The following GALNT10 variants were observed in gnomAD, a reference collection of about 807,000 sequenced individuals.
GALNT10 encodes the protein GalNAc transferase 10.
A neutral mutation model predicts 75.0 loss-of-function variants in GALNT10; 41 were observed. The observed-to-expected ratio is 0.55, with a 90% confidence interval of 0.43 to 0.71. GALNT10 has a LOEUF of 0.71. Ranked by LOEUF, GALNT10 falls within the 30% of genes least tolerant of loss-of-function variation. GALNT10 has a pLI of 0.00. For synonymous variants in GALNT10, 302 were observed against 313.0 expected (o/e 0.96, Z 0.37); for missense variants, 727 against 818.5 (o/e 0.89, Z 1.36).
rs115190579 is a variant in GALNT10 at position 154,200,417 on chromosome 5, G to C, written c.159+9392G>C. Among the ~76,000 whole-genome samples, 173 of 152,314 alleles carry C rather than the reference G, an allele frequency of 1.1e-3. 3 individuals carry two copies. Among genetic ancestry groups the C allele is most frequent in the Non-Finnish European group, 1.5e-3 (105 of 68,028 alleles). ...CTCCTGGAGGGAAGGGGGTTTCTTC[G>C]AGGGAACAGGTTGGAAACATCTGGC... is the stretch of plus-strand genomic sequence containing the variant. On this transcript the variant is annotated intron_variant, in intron 1 of 11. Coordinates refer to ENST00000297107, the MANE Select transcript of GALNT10 (RefSeq NM_198321.4).
intron 4 of GALNT10, among the ~76,000 whole-genome samples, chr5:154,365,184 A>G (rs549559191): frequency 8.9e-4 from 135 of 152,272 alleles, no homozygotes; most frequent in African/African-American, 3.2e-3. Flanking sequence ...TATTTCTGGG[A>G]GCTGGCTGGT....
chr5:154,404,329 C>A, intron 8 of GALNT10, 118 bp downstream of exon 8: 1 of 594,866 alleles, frequency 1.7e-6, no homozygotes, highest in East Asian at 3.0e-5. Flanking sequence ...GGATGTGCCT[C>A]CCATTCTCCA....
At chr5:154,288,026 T>C (rs1383300446) in intron 1 of GALNT10, among the ~76,000 whole-genome samples, 2 of 151,704 alleles carry the variant, frequency 1.3e-5, no homozygotes, top group Non-Finnish European at 2.9e-5. Flanking sequence ...AATGATATAG[T>C]TATTTAAACC....
At chr5:154,201,022 G>A (rs1561626466) in intron 1 of GALNT10, among the ~76,000 whole-genome samples, 1 of 151,914 alleles carries the variant, frequency 6.6e-6, no homozygotes, top group Non-Finnish European at 1.5e-5. Context: ...AAGTTCAGCT[G>A]CTGAGTTCAG....
intron 1 of GALNT10, among the ~76,000 whole-genome samples, chr5:154,212,925 G>A (rs376312247): frequency 6.7e-5 from 10 of 149,300 alleles, no homozygotes; most frequent in Non-Finnish European, 1.3e-4. Context: ...CGGAGATCGC[G>A]CCACTGCTCT....
chr5:154,321,468 C>T (rs925123545), intron 3 of GALNT10, among the ~76,000 whole-genome samples: 4 of 152,042 alleles, frequency 2.6e-5, no homozygotes, highest in African/African-American at 4.8e-5. Flanking sequence ...CCACTACACC[C>T]GGCTAATTGT....
chr5:154,257,503 G>C lies in GALNT10; in HGVS notation c.160-37313G>C, dbSNP rs187530992. On this transcript the variant is annotated intron_variant, in intron 1 of 11. Coordinates refer to ENST00000297107, the MANE Select transcript of GALNT10 (RefSeq NM_198321.4). ...GTCTCAAAGTGGCCTAAGTGGAAAA[G>C]GGAATTTATTGGCTTCTGTAACTGA... 2.1e-3 allele frequency among the ~76,000 whole-genome samples: 324 copies of C among 152,188 alleles called. 2 individuals are homozygous for C. The South Asian group carries it at 0.029, about 14-fold the overall frequency.
In GALNT10 at chr5:154,393,404, T is replaced by C. The variant is rs187002539; in HGVS notation, c.1056+6974T>C. Among the ~76,000 whole-genome samples the C allele has an allele frequency of 1.3e-3, 194 of 152,302 alleles. 1 individual carries two copies. Among genetic ancestry groups the C allele is most frequent in the African/African-American group, 4.3e-3 (179 of 41,564 alleles). On this transcript the variant is annotated intron_variant, in intron 7 of 11. Coordinates refer to ENST00000297107, the MANE Select transcript of GALNT10 (RefSeq NM_198321.4). ...CACTTCTGAAAATGACTCAGTGCCA[T>C]GAACCCTTCATCCCTAGTGGCCTTT...
intron 1 of GALNT10, among the ~76,000 whole-genome samples, chr5:154,283,143 G>A (rs976136661): frequency 3.3e-5 from 5 of 151,966 alleles, no homozygotes; most frequent in East Asian, 1.9e-4. Flanking sequence ...CTAAGAAATC[G>A]TTATATAAGA....
intron 3 of GALNT10, among the ~76,000 whole-genome samples, chr5:154,305,564 A>G (rs1171627090): frequency 1.3e-5 from 2 of 152,258 alleles, no homozygotes; most frequent in African/African-American, 4.8e-5. Context: ...CAGAGGCAAT[A>G]TTAATATCAG....
At chr5:154,379,999 T>TG (rs1755709992) in intron 5 of GALNT10, among the ~76,000 whole-genome samples, 1 of 152,200 alleles carries the variant, frequency 6.6e-6, no homozygotes, top group Non-Finnish European at 1.5e-5. Context: ...CCTACTGCTT[T>TG]GGGCCGTAAA....
intron 3 of GALNT10, among the ~76,000 whole-genome samples, chr5:154,306,921 A>T (rs1754443661): frequency 6.6e-6 from 1 of 152,230 alleles, no homozygotes. Flanking sequence ...CACCAATAAG[A>T]GCAGAATACA....
At chr5:154,296,316 G>A (rs754856587) in intron 2 of GALNT10, among the ~76,000 whole-genome samples, 2 of 152,050 alleles carry the variant, frequency 1.3e-5, no homozygotes, top group Non-Finnish European at 2.9e-5. Flanking sequence ...GGCTGGTCTC[G>A]AACTCCTGGC....
intron 1 of GALNT10, among the ~76,000 whole-genome samples, chr5:154,216,240 A>T (rs1752869891): frequency 6.6e-6 from 1 of 152,130 alleles, no homozygotes. Flanking sequence ...TTAAAGTTGT[A>T]ATAATAATAA....
chr5:154,380,577 A>G lies in GALNT10; in HGVS notation c.884A>G (p.Lys295Arg), dbSNP rs1267713448. ...GCCTTTGACTGGGAGATGTACTACA[A>G]GCGGATCCCGATCCCTCCAGAACTG... ...RGAFDWEMYY[K>R]RIPIPPELQK... Residue 295 changes from lysine to arginine, a missense_variant, in exon 6 of 12, where the codon AAG becomes AGG. By Grantham distance (26) the Lys-to-Arg change is conservative. Coordinates refer to ENST00000297107, the MANE Select transcript of GALNT10 (RefSeq NM_198321.4). 6 of 1,614,026 alleles carry G rather than the reference A, an allele frequency of 3.7e-6. No individual in the cohort carries two copies. Among genetic ancestry groups the G allele is most frequent in the Non-Finnish European group, 5.1e-6 (6 of 1,179,900 alleles).
chr5:154,394,917 CCCAG>C (rs1402800768), intron 7 of GALNT10, among the ~76,000 whole-genome samples: 1 of 152,198 alleles, frequency 6.6e-6, no homozygotes, highest in African/African-American at 2.4e-5. Flanking sequence ...GCCACATATG[CCCAG>C]CCTTTGCAAG....
At chr5:154,380,044 G>A (rs1173015163) in intron 5 of GALNT10, among the ~76,000 whole-genome samples, 1 of 152,210 alleles carries the variant, frequency 6.6e-6, no homozygotes, top group African/African-American at 2.4e-5. Context: ...AGCCTCGCAG[G>A]ACTAGAGCAG....
chr5:154,286,449 T>A (rs1754113751), intron 1 of GALNT10, among the ~76,000 whole-genome samples: 1 of 152,180 alleles, frequency 6.6e-6, no homozygotes, highest in Non-Finnish European at 1.5e-5. Flanking sequence ...GTGTTGAAAT[T>A]GTTCTTTTAG....
intron 1 of GALNT10, among the ~76,000 whole-genome samples, chr5:154,214,736 C>G (rs760053748): frequency 1.1e-4 from 16 of 152,142 alleles, no homozygotes; most frequent in Non-Finnish European, 2.2e-4. Flanking sequence ...CATTCTGTTT[C>G]TCTCCTCCAT....
Sources: gnomAD v4.1 joint callset for allele counts (sites outside exome capture counted in the v4.1 genomes callset) on GRCh38, gnomAD v4.1.1 for gene constraint, MANE v1.5 for transcripts, NCBI Gene and HGNC (gene_info 2026-07-23, HGNC 2026-07-21) for gene names.